Variants in RGL1 observed in about 807,000 individuals in gnomAD.
The protein encoded by RGL1 is ral guanine nucleotide dissociation stimulator-like 1.
A neutral mutation model predicts 95.2 loss-of-function variants in RGL1; 24 were observed. The observed-to-expected ratio is 0.25, with a 90% CI of 0.18 to 0.35. The LOEUF (loss-of-function observed/expected upper bound fraction) is 0.35. Among genes scored for constraint, RGL1 ranks in the 10% least tolerant of loss-of-function variants. The pLI is 1.00. For synonymous variants in RGL1, 329 were observed against 344.9 expected (o/e 0.95, Z 0.51); for missense variants, 715 against 936.3 (o/e 0.76, Z 3.08).
At chr1:183,913,467 A>G (rs976994999) in intron 15 of RGL1, among the ~76,000 whole-genome samples, 8 of 152,090 alleles carry the variant, frequency 5.3e-5, no homozygotes, top group African/African-American at 1.7e-4. Context: ...AAGTGCTGGG[A>G]TGAGCCACCG....
intron 2 of RGL1, among the ~76,000 whole-genome samples, chr1:183,833,575 A>G (rs1663412916): frequency 6.6e-6 from 1 of 152,198 alleles, no homozygotes; most frequent in Non-Finnish European, 1.5e-5. Context: ...CCATAAATGT[A>G]TCTTGTTTAT....
At chr1:183,866,937 G>T (rs982279686) in intron 4 of RGL1, among the ~76,000 whole-genome samples, 2 of 152,184 alleles carry the variant, frequency 1.3e-5, no homozygotes, top group Non-Finnish European at 2.9e-5. Context: ...GGTGTTGGTG[G>T]CAGGACAAGC....
intron 2 of RGL1, among the ~76,000 whole-genome samples, chr1:183,841,689 G>A (rs547946444): frequency 1.3e-5 from 2 of 152,252 alleles, no homozygotes; most frequent in South Asian, 4.1e-4. Flanking sequence ...GTTCTGCTGG[G>A]TGTCATTACA....
chr1:183,752,031 T>G (rs1658033622), intron 2 of RGL1, among the ~76,000 whole-genome samples: 1 of 152,180 alleles, frequency 6.6e-6, no homozygotes, highest in South Asian at 2.1e-4. Flanking sequence ...TATACATATC[T>G]TATTTTTGCC....
chr1:183,737,213 G>A (rs992754437), intron 1 of RGL1, among the ~76,000 whole-genome samples: 13 of 152,168 alleles, frequency 8.5e-5, no homozygotes, highest in Admixed American at 7.2e-4. Flanking sequence ...CACTAATAAT[G>A]GCAAGTTATT....
intron 1 of RGL1, among the ~76,000 whole-genome samples, chr1:183,641,565 C>G (rs942794083): frequency 6.6e-6 from 1 of 152,188 alleles, no homozygotes; most frequent in African/African-American, 2.4e-5. Flanking sequence ...CCCCCCCCAC[C>G]ATACCTGGCC....
At chr1:183,865,916 C>A in intron 3 of RGL1, 80 bp from the exon 4 acceptor site, 1 of 916,822 alleles carries the variant, frequency 1.1e-6, no homozygotes, top group Non-Finnish European at 1.8e-6. Context: ...ATAACTGTCA[C>A]TTTGTAGTTG....
In RGL1 at chr1:183,654,819, A is replaced by G. The variant is rs531328905; in HGVS notation, c.-33+18318A>G. Among the ~76,000 whole-genome samples, 5 of 152,346 alleles carry G rather than the reference A, an allele frequency of 3.3e-5. No individual in the cohort carries two copies. In the East Asian group the frequency reaches 7.7e-4, roughly 23 times the overall value. On this transcript the variant is annotated intron_variant, in intron 1 of 18. Coordinates refer to the RGL1 transcript ENST00000304685. ...GTGATTTTAGGGATAGGCAACCCCA[A>G]TTAGTCATTATTCTTTAAAGGTAGT...
chr1:183,874,941 G>A (rs1460033846), intron 4 of RGL1, among the ~76,000 whole-genome samples: 2 of 152,176 alleles, frequency 1.3e-5, no homozygotes, highest in Non-Finnish European at 1.5e-5. Context: ...GGTTGACTTA[G>A]GCTTCAGTTC....
chr1:183,843,831 G>A lies in RGL1; in HGVS notation c.139-3735G>A, dbSNP rs548118950. On this transcript the variant is annotated intron_variant, in intron 2 of 17. Transcript: ENST00000360851. ...GAAGTATATTTTCATGTTTTTTTTT[G>A]TTTGTTTGCTTTTGAGATGGAGTCT... 5.9e-5 allele frequency among the ~76,000 whole-genome samples: 8 copies of A among 136,536 alleles called. No homozygotes were observed. The East Asian group carries it at 1.7e-3, about 29-fold the overall frequency. The allele number at this position is 136,536 out of a possible 152,430, so 89.6% of individuals were successfully genotyped here. A position where few individuals can be genotyped will look rare whatever the true frequency, so the allele number is the denominator to read the frequency against.
At chr1:183,760,993 T>TCTAA (rs1427469294) in intron 2 of RGL1, among the ~76,000 whole-genome samples, 1 of 152,240 alleles carries the variant, frequency 6.6e-6, no homozygotes. Context: ...GGGCTCCACT[T>TCTAA]CTAATTCTAG....
intron 2 of RGL1, among the ~76,000 whole-genome samples, chr1:183,826,673 A>T (rs1382028999): frequency 6.6e-6 from 1 of 152,222 alleles, no homozygotes; most frequent in Non-Finnish European, 1.5e-5. Context: ...CTAGGGGAAG[A>T]TACTACAGTT....
chr1:183,720,955 C>T (rs1447924398), intron 1 of RGL1, among the ~76,000 whole-genome samples: 2 of 152,102 alleles, frequency 1.3e-5, no homozygotes, highest in Non-Finnish European at 2.9e-5. Context: ...TTGAGTATAA[C>T]AGAGAACACT....
rs74130697 is a variant in RGL1, at chr1:183,843,248, T to C, written c.139-4318T>C. Among the ~76,000 whole-genome samples, 1,086 of 152,382 alleles carry C rather than the reference T, an allele frequency of 7.1e-3. 13 individuals are homozygous for C. The highest frequency in any genetic ancestry group is 0.025 in the African/African-American group (1,039 of 41,588). Reference sequence around the variant, plus strand: ...ATGATATTGTCATTGATGTTCACTTTGAAAATTATTTTTTAAATCTAAATT... The same window carrying C: ...ATGATATTGTCATTGATGTTCACTTCGAAAATTATTTTTTAAATCTAAATT... On this transcript the variant is annotated intron_variant, in intron 2 of 17. Transcript: ENST00000360851.
chr1:183,918,335 T>C (rs1669110037), intron 16 of RGL1, among the ~76,000 whole-genome samples: 1 of 151,792 alleles, frequency 6.6e-6, no homozygotes, highest in Non-Finnish European at 1.5e-5. Context: ...AGGGAGGGGC[T>C]AATAAAGGAG....
chr1:183,695,835 C>G (rs1007723732), intron 1 of RGL1, among the ~76,000 whole-genome samples: 3 of 151,858 alleles, frequency 2.0e-5, no homozygotes, highest in African/African-American at 2.4e-5. Context: ...TGAGTTGGAG[C>G]CTTAATATCT....
At chr1:183,774,033 T>A (rs1659450747) in intron 2 of RGL1, among the ~76,000 whole-genome samples, 1 of 151,970 alleles carries the variant, frequency 6.6e-6, no homozygotes, top group South Asian at 2.1e-4. Context: ...CTGCTGACAG[T>A]ATTGTCACAA....
At chr1:183,728,048 A>T (rs1009933460) in intron 1 of RGL1, among the ~76,000 whole-genome samples, 1 of 152,158 alleles carries the variant, frequency 6.6e-6, no homozygotes, top group Non-Finnish European at 1.5e-5. Flanking sequence ...AATCCAATTC[A>T]TTGGGAGCCT....
At chr1:183,800,296 C>T (rs181705798), upstream of RGL1, among the ~76,000 whole-genome samples, 1 of 152,276 alleles carries the variant, frequency 6.6e-6, no homozygotes, top group Non-Finnish European at 1.5e-5. Flanking sequence ...ATATTGTATA[C>T]TTCCATTTCT....
Sources: allele counts gnomAD v4.1 joint callset (sites outside exome capture counted in the v4.1 genomes callset), GRCh38; gene constraint gnomAD v4.1.1; transcripts MANE v1.5; gene names NCBI Gene and HGNC (gene_info 2026-07-23, HGNC 2026-07-21).